The following TMEM131L variants were observed in gnomAD, a reference collection of about 807,000 sequenced individuals.
TMEM131L encodes transmembrane protein 131-like.
A neutral mutation model predicts 192.2 loss-of-function variants in TMEM131L; 54 were observed. The observed-to-expected ratio is 0.28, with a 90% CI of 0.23 to 0.35. TMEM131L has a LOEUF of 0.35. TMEM131L is among the 10% of genes least tolerant of loss of function. The pLI is 1.00. For synonymous variants in TMEM131L, 701 were observed against 704.9 expected, an observed-to-expected ratio of 0.99 and a Z score of 0.09; for missense variants, 1,888 against 1,972.9, an observed-to-expected ratio of 0.96 and a Z score of 0.82.
Position 153,585,559 on chromosome 4 carries a change from G to A in TMEM131L, c.1259G>A (p.Ser420Asn). The A allele has an allele frequency of 6.2e-7, 1 of 1,614,022 alleles. No homozygotes were observed. Among genetic ancestry groups the A allele is most frequent in the South Asian group, 1.1e-5 (1 of 91,060 alleles). Residue 420 changes from serine (S) to asparagine (N), a missense_variant, in exon 13 of 35, where the codon AGT becomes AAT. Ser to Asn is a conservative substitution (Grantham distance 46). Transcript: ENST00000409959. ...SIWYRNHFDR[S>N]VVLNDVFLSK... ...TGGTACCGCAACCATTTTGACCGTA[G>A]TGTTGTATTAAATGATGTGTTTCTT...
intron 4 of TMEM131L, among the ~76,000 whole-genome samples, chr4:153,551,776 T>G (rs1737643541): frequency 6.6e-6 from 1 of 152,218 alleles, no homozygotes. Context: ...TTTTTGAGTT[T>G]TTATATTTTT....
chr4:153,610,546 G>A (rs181088519), intron 25 of TMEM131L, among the ~76,000 whole-genome samples: 2 of 152,240 alleles, frequency 1.3e-5, no homozygotes, highest in African/African-American at 4.8e-5. Flanking sequence ...GTAAAAGCCT[G>A]CATTACTTTA....
chr4:153,535,766 A>G (rs959827041), intron 3 of TMEM131L, among the ~76,000 whole-genome samples: 4 of 152,208 alleles, frequency 2.6e-5, no homozygotes, highest in Non-Finnish European at 2.9e-5. Flanking sequence ...AGAGTCAGGC[A>G]AAAGGAAAGT....
intron 4 of TMEM131L, among the ~76,000 whole-genome samples, chr4:153,552,373 T>G (rs758976915): frequency 5.9e-5 from 9 of 152,248 alleles, no homozygotes; most frequent in South Asian, 2.1e-4. Flanking sequence ...TATTTACTCT[T>G]CAGTAACGTA....
intron 31 of TMEM131L, among the ~76,000 whole-genome samples, chr4:153,630,306 C>T (rs1029174784): frequency 6.6e-6 from 1 of 152,214 alleles, no homozygotes; most frequent in Non-Finnish European, 1.5e-5. Flanking sequence ...GCCTACGCAG[C>T]AGGATGAGGC....
intron 17 of TMEM131L, 45 bp downstream of exon 17, chr4:153,591,239 G>T (rs1461466138): frequency 6.6e-7 from 1 of 1,510,396 alleles, no homozygotes; most frequent in Non-Finnish European, 8.9e-7. Flanking sequence ...TGACTCCCCA[G>T]TGCTTGGGTT....
At chr4:153,545,509 G>T (rs979760584) in intron 3 of TMEM131L, among the ~76,000 whole-genome samples, 16 of 151,900 alleles carry the variant, frequency 1.1e-4, no homozygotes, top group Non-Finnish European at 2.1e-4. Context: ...AGATGGTCTC[G>T]ATCTCCTGAC....
intron 29 of TMEM131L, among the ~76,000 whole-genome samples, chr4:153,624,046 C>G (rs1239368801): frequency 6.6e-6 from 1 of 151,332 alleles, no homozygotes; most frequent in African/African-American, 2.4e-5. Context: ...TAGTCTTTAA[C>G]TTACATAAAT....
intron 18 of TMEM131L, among the ~76,000 whole-genome samples, chr4:153,593,461 C>G (rs2150861578): frequency 6.6e-6 from 1 of 152,172 alleles, no homozygotes; most frequent in South Asian, 2.1e-4. Context: ...ATAAAATTGC[C>G]TTTGGTTGAG....
At chr4:153,474,400 G>T (rs1731380090) in intron 3 of TMEM131L, among the ~76,000 whole-genome samples, 1 of 152,222 alleles carries the variant, frequency 6.6e-6, no homozygotes. Context: ...CACAGCAGCG[G>T]GAACAGTGCT....
Position 153,602,391 on chromosome 4 carries a change from G to A in TMEM131L, c.2453+53G>A, listed in dbSNP as rs994813892. On this transcript the variant is annotated intron_variant, in intron 22 of 34. Coordinates refer to ENST00000409959, the MANE Select transcript of TMEM131L (RefSeq NM_001131007.2). ...AGTTTTGTGGTGCGTTTAACAATGT[G>A]AGGAGGAAAACTTTTTCTATTGTTA... 1.0e-5 allele frequency: 16 copies of A among 1,574,308 alleles called. No homozygotes were observed. In the African/African-American group the frequency reaches 1.4e-4, roughly 14 times the overall value.
chr4:153,531,641 C>A (rs183877813), intron 3 of TMEM131L, among the ~76,000 whole-genome samples: 1 of 152,106 alleles, frequency 6.6e-6, no homozygotes, highest in African/African-American at 2.4e-5. Context: ...CAGTATAATA[C>A]GCTATTTTAT....
chr4:153,628,608 C>T (rs774239174), intron 31 of TMEM131L, among the ~76,000 whole-genome samples: 3 of 152,028 alleles, frequency 2.0e-5, no homozygotes, highest in Admixed American at 6.5e-5. Context: ...ACAGAAATAG[C>T]GAACCTAGTG....
intron 3 of TMEM131L, among the ~76,000 whole-genome samples, chr4:153,479,174 T>C (rs1731751071): frequency 6.6e-6 from 1 of 152,212 alleles, no homozygotes; most frequent in African/African-American, 2.4e-5. Context: ...TAGAGCAGCT[T>C]GCCTGTTACC....
chr4:153,515,071 C>G (rs908984318), intron 3 of TMEM131L, among the ~76,000 whole-genome samples: 3 of 152,214 alleles, frequency 2.0e-5, no homozygotes, highest in Admixed American at 1.3e-4. Context: ...CTCGGCCTCC[C>G]GAAGTGCTGG....
intron 31 of TMEM131L, among the ~76,000 whole-genome samples, chr4:153,628,463 T>C (rs972320190): frequency 2.8e-4 from 43 of 152,256 alleles, no homozygotes; most frequent in African/African-American, 1.0e-3. Context: ...GTGTCTTTAA[T>C]ACACATACTT....
chr4:153,621,912 T>C (rs1213183002), intron 28 of TMEM131L, 63 bp downstream of exon 28: 2 of 1,488,122 alleles, frequency 1.3e-6, no homozygotes, highest in Non-Finnish European at 1.9e-6. Flanking sequence ...CTCAATGAAG[T>C]ATCTAATAAG....
chr4:153,634,738 G>A (rs985723430), intron 33 of TMEM131L, among the ~76,000 whole-genome samples: 2 of 152,154 alleles, frequency 1.3e-5, no homozygotes, highest in Non-Finnish European at 2.9e-5. Context: ...GCTTGGAGGG[G>A]AAATTGTGGA....
At chr4:153,502,235 C>T (rs1262247238) in intron 3 of TMEM131L, among the ~76,000 whole-genome samples, 4 of 152,156 alleles carry the variant, frequency 2.6e-5, no homozygotes, top group African/African-American at 7.2e-5. Context: ...TGAACCACCG[C>T]GGCTGTCCCA....
Sources: gnomAD v4.1 joint callset for allele counts (sites outside exome capture counted in the v4.1 genomes callset) on GRCh38, gnomAD v4.1.1 for gene constraint, MANE v1.5 for transcripts, NCBI Gene and HGNC (gene_info 2026-07-23, HGNC 2026-07-21) for gene names.